ZNF331: variants seen among roughly 807,000 people sequenced by gnomAD.
ZNF331 encodes zinc finger protein 331.
Under a neutral mutation model 7.0 loss-of-function variants are expected in ZNF331, and 2 were observed. That is an observed-to-expected ratio of 0.29 (90% confidence interval 0.12 to 0.90). ZNF331 has a LOEUF of 0.90. Among genes scored for constraint, ZNF331 ranks in the 40% least tolerant of loss-of-function variants. The pLI is 0.58. For synonymous variants in ZNF331, 196 were observed against 205.4 expected (o/e 0.95, Z 0.39); for missense variants, 432 against 587.7 (o/e 0.74, Z 2.74).
intron 2 of ZNF331, among the ~76,000 whole-genome samples, chr19:53,548,233 G>A (rs1227952499): frequency 1.3e-5 from 2 of 151,550 alleles, no homozygotes; most frequent in African/African-American, 2.4e-5. Context: ...CTCAGCCTCC[G>A]AGTAGCTGGG....
chr19:53,556,459 CTG>C (rs1341049419), intron 3 of ZNF331, among the ~76,000 whole-genome samples: 2 of 151,286 alleles, frequency 1.3e-5, no homozygotes, highest in Non-Finnish European at 2.9e-5. Context: ...GTACCATAGA[CTG>C]TGTGACTAAA....
upstream of ZNF331, among the ~76,000 whole-genome samples, chr19:53,520,249 G>T (rs992931744): frequency 2.6e-5 from 4 of 151,974 alleles, no homozygotes; most frequent in African/African-American, 9.7e-5. Flanking sequence ...GTTTCACCAT[G>T]TTGGGCAGGA....
chr19:53,559,849 CAT>C (rs1568514414), intron 3 of ZNF331, among the ~76,000 whole-genome samples: 2 of 150,984 alleles, frequency 1.3e-5, no homozygotes, highest in South Asian at 2.1e-4. Context: ...TACATATACA[CAT>C]ATACATACCA....
At chr19:53,546,396 A>C (rs1328651578) in intron 2 of ZNF331, among the ~76,000 whole-genome samples, 1 of 152,066 alleles carries the variant, frequency 6.6e-6, no homozygotes, top group African/African-American at 2.4e-5. Context: ...GGGATGTGGC[A>C]AGGGCCAGGC....
rs767043417 is a variant in ZNF331 at position 53,571,558 on chromosome 19, G to A, written c.10-46G>A. On this transcript the variant is annotated intron_variant, in intron 4 of 5. Transcript: ENST00000449416. The surrounding 1 kb of genome is among the most constrained non-coding windows in gnomAD (Gnocchi z 4.7). ...GGCCTCCTGTCTCCTTCATCTGGAA[G>A]CTGTTTCCTTTCATTTCATCATGCA... 4.4e-6 allele frequency: 7 copies of A among 1,604,514 alleles called. No homozygotes were observed. The highest frequency in any genetic ancestry group is 3.4e-5 in the South Asian group (3 of 89,294).
At chr19:53,512,938 A>C in the ZNF331 span, among the ~76,000 whole-genome samples, 1 of 150,448 alleles carries the variant, frequency 6.6e-6, no homozygotes, top group Non-Finnish European at 1.5e-5. Context: ...GGTGCCAAAA[A>C]CGCTGGGAAC....
upstream of ZNF331, among the ~76,000 whole-genome samples, chr19:53,518,425 G>A (rs1284524): frequency 0.25 from 38,195 of 152,086 alleles, 6,045 homozygotes; most frequent in African/African-American, 0.44. Flanking sequence ...GCCTATCATG[G>A]GACTGGGCCT....
intron 2 of ZNF331, among the ~76,000 whole-genome samples, chr19:53,546,140 GAAAAAAAA>G (rs527391326): frequency 0.11 from 12,447 of 113,644 alleles, 887 homozygotes; most frequent in African/African-American, 0.18. Context: ...TCCTGAGGGG[GAAAAAAAA>G]AAAAAAAAAA....
intron 2 of ZNF331, among the ~76,000 whole-genome samples, chr19:53,530,917 A>T (rs569465230): frequency 6.6e-6 from 1 of 152,164 alleles, no homozygotes; most frequent in Non-Finnish European, 1.5e-5. Context: ...GACCATCCTT[A>T]CAGAGGGAGG....
intron 2 of ZNF331, among the ~76,000 whole-genome samples, chr19:53,546,614 G>C (rs539767452): frequency 6.6e-6 from 1 of 152,090 alleles, no homozygotes; most frequent in Admixed American, 6.5e-5. Context: ...CTTGGGTAAG[G>C]AGGGGATTCG....
intron 3 of ZNF331, among the ~76,000 whole-genome samples, chr19:53,559,534 A>G (rs554771394): frequency 3.3e-5 from 5 of 151,200 alleles, no homozygotes; most frequent in Non-Finnish European, 7.4e-5. Context: ...ATATACACAC[A>G]CGCCATATAT....
intron 3 of ZNF331, among the ~76,000 whole-genome samples, chr19:53,561,217 A>G (rs981716569): frequency 1.3e-5 from 2 of 151,704 alleles, no homozygotes; most frequent in Admixed American, 6.6e-5. Context: ...AGTTTCCTTA[A>G]TGACTACAGT....
intron 2 of ZNF331, chr19:53,555,184 G>A (rs531245629): frequency 2.6e-5 from 4 of 151,282 alleles, no homozygotes; most frequent in African/African-American, 9.7e-5. Flanking sequence ...CCTTCTGGGT[G>A]ACGCAGGTGT....
rs977802045 is a variant in ZNF331 at position 53,548,959 on chromosome 19, C to A, written c.-137-6886C>A. 2.0e-5 allele frequency among the ~76,000 whole-genome samples: 3 copies of A among 151,904 alleles called. No individual in the cohort carries two copies. The South Asian group carries it at 6.2e-4, about 32-fold the overall frequency. On this transcript the variant is annotated intron_variant, in intron 2 of 5. Transcript: ENST00000449416. ...ACCTCCCAGGTTCAAGTGATTTCTC[C>A]TCCCTCAGCCTCCTCAGTAGCTGAG...
intron 2 of ZNF331, among the ~76,000 whole-genome samples, chr19:53,543,204 C>T (rs1336306648): frequency 5.9e-5 from 9 of 152,110 alleles, no homozygotes; most frequent in Non-Finnish European, 1.0e-4. Flanking sequence ...GCAGGAGGAT[C>T]GCTTGAGCCC....
At chr19:53,544,188 C>G (rs938560235) in intron 2 of ZNF331, among the ~76,000 whole-genome samples, 2 of 149,220 alleles carry the variant, frequency 1.3e-5, no homozygotes, top group African/African-American at 2.5e-5. Flanking sequence ...GATCACGCCA[C>G]TGCACTCCAG....
At chr19:53,545,319 G>A (rs981407025) in intron 2 of ZNF331, among the ~76,000 whole-genome samples, 5 of 152,142 alleles carry the variant, frequency 3.3e-5, no homozygotes, top group East Asian at 1.9e-4. Flanking sequence ...ACCCTGTGAC[G>A]TTAGTACTTG....
intron 2 of ZNF331, among the ~76,000 whole-genome samples, chr19:53,541,890 A>G (rs1307390690): frequency 6.6e-6 from 1 of 151,948 alleles, no homozygotes; most frequent in Non-Finnish European, 1.5e-5. Flanking sequence ...ATGCATACCT[A>G]TAGTTTCAGC....
At chr19:53,555,815 G>A (rs749463099) in intron 2 of ZNF331, 30 bp from the exon 3 acceptor site, 1 of 152,158 alleles carries the variant, frequency 6.6e-6, no homozygotes, top group Non-Finnish European at 1.5e-5. Context: ...GGTATGGCAG[G>A]TGTTACCCTT....
Sources: gnomAD v4.1 joint callset for allele counts (sites outside exome capture counted in the v4.1 genomes callset) on GRCh38, gnomAD v4.1.1 for gene constraint, Gnocchi (gnomAD v3.1) non-coding constraint, MANE v1.5 for transcripts, NCBI Gene and HGNC (gene_info 2026-07-23, HGNC 2026-07-21) for gene names.